The following STXBP4 variants were observed in gnomAD, a reference collection of about 807,000 sequenced individuals.
STXBP4 encodes syntaxin binding protein 4, also known as syntaxin-binding protein 4.
A neutral mutation model predicts 76.1 loss-of-function variants in STXBP4; 55 were observed. That is an observed-to-expected ratio of 0.72 (90% CI 0.58 to 0.91). The LOEUF (loss-of-function observed/expected upper bound fraction) is 0.91. Among genes scored for constraint, STXBP4 ranks in the 40% least tolerant of loss-of-function variants. The probability of loss-of-function intolerance (pLI) is 0.00; values close to 1 mark genes in which losing one functional copy is unlikely to be tolerated. For synonymous variants in STXBP4, 201 were observed against 220.2 expected (o/e 0.91, Z 0.77); for missense variants, 618 against 636.9 (o/e 0.97, Z 0.32).
intron 7 of STXBP4, among the ~76,000 whole-genome samples, 179 bp from the exon 8 acceptor site, chr17:55,007,327 C>T (rs959615387): frequency 6.9e-6 from 1 of 144,928 alleles, no homozygotes; most frequent in East Asian, 2.0e-4. Context: ...GAGTGAGACT[C>T]TGTCCCCCCT....
chr17:55,181,657 T>A, the STXBP4 span, among the ~76,000 whole-genome samples: 1 of 152,092 alleles, frequency 6.6e-6, no homozygotes, highest in Non-Finnish European at 1.5e-5. Context: ...AAATCCGGAC[T>A]TAAAAATAAT....
At chr17:55,059,071 A>G (rs1386090790) in intron 12 of STXBP4, among the ~76,000 whole-genome samples, 1 of 152,130 alleles carries the variant, frequency 6.6e-6, no homozygotes, top group African/African-American at 2.4e-5. Flanking sequence ...CTGCATCAGT[A>G]GTATGTCTTC....
At chr17:55,156,341 C>T (rs150470642) in intron 17 of STXBP4, among the ~76,000 whole-genome samples, 1 of 152,220 alleles carries the variant, frequency 6.6e-6, no homozygotes, top group Non-Finnish European at 1.5e-5. Flanking sequence ...GTTCTCCAAG[C>T]CAGTAAATCT....
At chr17:54,989,433 A>AG (rs1353269230) in intron 3 of STXBP4, among the ~76,000 whole-genome samples, 1 of 152,152 alleles carries the variant, frequency 6.6e-6, no homozygotes, top group Non-Finnish European at 1.5e-5. Context: ...TCAGTTATTC[A>AG]ATGTATTTGA....
chr17:55,153,245 T>TAAA (rs1332268595), intron 17 of STXBP4, among the ~76,000 whole-genome samples: 1 of 152,238 alleles, frequency 6.6e-6, no homozygotes, highest in Non-Finnish European at 1.5e-5. Flanking sequence ...AATCAGTATT[T>TAAA]AAAAGTTCAT....
chr17:55,066,924 G>A (rs2079058915), intron 12 of STXBP4, among the ~76,000 whole-genome samples: 1 of 152,144 alleles, frequency 6.6e-6, no homozygotes, highest in Non-Finnish European at 1.5e-5. Context: ...ATTATATGGT[G>A]TTTCTCAAAG....
At chr17:55,015,961 C>T (rs1282596525) in intron 8 of STXBP4, among the ~76,000 whole-genome samples, 2 of 152,132 alleles carry the variant, frequency 1.3e-5, no homozygotes, top group African/African-American at 4.8e-5. Context: ...GGTTTCTCCC[C>T]CTTGAAGAGG....
intron 16 of STXBP4, among the ~76,000 whole-genome samples, chr17:55,108,820 G>C (rs142003753): frequency 6.6e-6 from 1 of 152,134 alleles, no homozygotes; most frequent in African/African-American, 2.4e-5. Flanking sequence ...CATTGATCTC[G>C]CTGGGAGCTG....
At chr17:54,987,251 G>A (rs2077639607) in intron 3 of STXBP4, among the ~76,000 whole-genome samples, 1 of 152,146 alleles carries the variant, frequency 6.6e-6, no homozygotes. Context: ...AGTCTTCACT[G>A]TGTGCCCTCA....
rs116738362 is a variant in STXBP4 at position 54,972,761 on chromosome 17, C to T, written c.-157+3946C>T. Among the ~76,000 whole-genome samples, 1,060 of 152,238 alleles carry T rather than the reference C, an allele frequency of 7.0e-3. 15 individuals are homozygous for T. The highest frequency in any genetic ancestry group is 0.024 in the African/African-American group (1,000 of 41,526). ...TTACTAGCCTCTCTCAGCAGAGACC[C>T]TAGAAAATTTTTGTGTATAAACAAG... is the stretch of plus-strand genomic sequence containing the variant. On this transcript the variant is annotated intron_variant, in intron 1 of 17. Transcript: ENST00000376352.
chr17:55,135,010 C>T (rs1367166459), intron 16 of STXBP4, among the ~76,000 whole-genome samples: 2 of 152,092 alleles, frequency 1.3e-5, no homozygotes, highest in Non-Finnish European at 1.5e-5. Flanking sequence ...AGTGACTCCA[C>T]AATGTAGCTG....
chr17:54,982,777 G>A (rs1456364547), intron 1 of STXBP4, among the ~76,000 whole-genome samples: 1 of 152,162 alleles, frequency 6.6e-6, no homozygotes, highest in African/African-American at 2.4e-5. Flanking sequence ...GAATACCACT[G>A]TTGGGATGGA....
At chr17:55,047,933 G>A (rs2078811076) in intron 12 of STXBP4, among the ~76,000 whole-genome samples, 1 of 151,842 alleles carries the variant, frequency 6.6e-6, no homozygotes, top group Admixed American at 6.6e-5. Flanking sequence ...GGAATACAGA[G>A]AACAGAGGAG....
rs2077633958 is a variant in STXBP4 at position 54,986,864 on chromosome 17, A to G, written c.47+598A>G. On this transcript the variant is annotated intron_variant, in intron 3 of 17. Coordinates refer to ENST00000376352, the MANE Select transcript of STXBP4 (RefSeq NM_178509.6). The stretch of plus-strand genomic sequence containing the variant: ...GGTTGGTTGAGCAGTTCTGCTCTAT[A>G]CCAGATAATGTAGGATGGCCTCATT... Among the ~76,000 whole-genome samples, 3 of 152,200 alleles carry G rather than the reference A, an allele frequency of 2.0e-5. No homozygotes were observed. The South Asian group carries it at 6.2e-4, about 31-fold the overall frequency.
At chr17:55,077,136 C>T (rs903510913) in intron 13 of STXBP4, among the ~76,000 whole-genome samples, 3 of 152,046 alleles carry the variant, frequency 2.0e-5, no homozygotes, top group African/African-American at 7.2e-5. Context: ...TGATACTGTA[C>T]TTTATTTCCT....
chr17:55,212,311 TG>T, the STXBP4 span, among the ~76,000 whole-genome samples: 2 of 152,064 alleles, frequency 1.3e-5, no homozygotes, highest in African/African-American at 4.8e-5. Flanking sequence ...GTGACACAAA[TG>T]GGCACTCAAT....
chr17:55,031,332 C>T lies in STXBP4; in HGVS notation c.763+68C>T, dbSNP rs2144679665. The T allele has an allele frequency of 4.9e-6, 6 of 1,232,360 alleles. No homozygotes were observed. In the East Asian group the frequency reaches 1.2e-4, roughly 25 times the overall value. The allele number at this position is 1,232,360 out of a possible 1,614,324, so 76.3% of individuals were successfully genotyped here. ...TTCAAGAGTTATGGTGACACATTTT[C>T]ATTAAGAGTGTTTGTTCTTTAGAAG... is the stretch of plus-strand genomic sequence containing the variant. On this transcript the variant is annotated intron_variant, in intron 9 of 17. Transcript: ENST00000376352.
chr17:55,085,680 C>T (rs1010364026), intron 16 of STXBP4, among the ~76,000 whole-genome samples: 3 of 151,956 alleles, frequency 2.0e-5, no homozygotes, highest in Non-Finnish European at 4.4e-5. Context: ...GTTTTCAGTA[C>T]AGTTCTGGGT....
At chr17:55,203,911 G>C in the STXBP4 span, among the ~76,000 whole-genome samples, 1 of 138,948 alleles carries the variant, frequency 7.2e-6, no homozygotes, top group African/African-American at 2.5e-5. Flanking sequence ...ATTAGTTTTA[G>C]TGTGTTCTGT....
Sources: gnomAD v4.1 joint callset for allele counts (sites outside exome capture counted in the v4.1 genomes callset) on GRCh38, gnomAD v4.1.1 for gene constraint, MANE v1.5 for transcripts, NCBI Gene and HGNC (gene_info 2026-07-23, HGNC 2026-07-21) for gene names.